The following TEC variants were observed in gnomAD, a reference collection of about 807,000 sequenced individuals.
The protein encoded by TEC is tyrosine-protein kinase Tec.
A neutral mutation model predicts 93.0 loss-of-function variants in TEC; 72 were observed. The ratio of observed to expected loss-of-function variants is 0.77; its 90% CI spans 0.64 to 0.94. The LOEUF (loss-of-function observed/expected upper bound fraction) is 0.94, where lower values mean the gene tolerates loss of function less well. Ranked by LOEUF, TEC falls within the 40% of genes least tolerant of loss-of-function variation. The pLI is 0.00. For missense variants in TEC, 630 were observed against 757.9 expected, an observed-to-expected ratio of 0.83 and a Z score of 1.98; for synonymous variants, 249 against 247.7, an observed-to-expected ratio of 1.01 and a Z score of -0.05.
intron 15 of TEC, among the ~76,000 whole-genome samples, chr4:48,139,976 G>A (rs1719592870): frequency 6.6e-6 from 1 of 152,252 alleles, no homozygotes; most frequent in Non-Finnish European, 1.5e-5. Flanking sequence ...AGGTTTTTGA[G>A]TGGTTGATAC....
chr4:48,169,136 T>C (rs1362281755), intron 5 of TEC, among the ~76,000 whole-genome samples: 1 of 152,084 alleles, frequency 6.6e-6, no homozygotes, highest in African/African-American at 2.4e-5. Context: ...CCTAAAAGGA[T>C]TCCCCATGGG....
chr4:48,221,901 ATTTCT>A (rs1723277956), intron 2 of TEC, among the ~76,000 whole-genome samples: 1 of 152,158 alleles, frequency 6.6e-6, no homozygotes. Flanking sequence ...CAAAATGTAT[ATTTCT>A]TATTATACTA....
At chr4:48,265,054 C>T (rs1351720873) in intron 1 of TEC, among the ~76,000 whole-genome samples, 4 of 151,868 alleles carry the variant, frequency 2.6e-5, no homozygotes, top group Admixed American at 1.3e-4. Context: ...AATGAAAAGA[C>T]AAAAGCCGCT....
intron 2 of TEC, among the ~76,000 whole-genome samples, chr4:48,220,414 G>C (rs1446464022): frequency 6.6e-6 from 1 of 151,964 alleles, no homozygotes; most frequent in Non-Finnish European, 1.5e-5. Context: ...CTCATGAATG[G>C]CCTGGTGCCC....
intron 2 of TEC, among the ~76,000 whole-genome samples, chr4:48,195,389 A>G (rs1722266057): frequency 6.6e-6 from 1 of 152,174 alleles, no homozygotes. Flanking sequence ...CCCATCATAA[A>G]CCAGTAAAAG....
chr4:48,231,115 G>C (rs1280351028), intron 1 of TEC, among the ~76,000 whole-genome samples: 2 of 152,086 alleles, frequency 1.3e-5, no homozygotes, highest in African/African-American at 4.8e-5. Context: ...AGTTGGTCTG[G>C]GGAGGAGCCC....
intron 9 of TEC, among the ~76,000 whole-genome samples, chr4:48,153,155 G>C (rs368237217): frequency 1.3e-5 from 2 of 151,198 alleles, no homozygotes; most frequent in African/African-American, 4.9e-5. Flanking sequence ...ATCTATTAAC[G>C]CTTTATTTAT....
intron 1 of TEC, among the ~76,000 whole-genome samples, chr4:48,257,154 T>G (rs541445864): frequency 3.3e-5 from 5 of 152,208 alleles, no homozygotes; most frequent in Non-Finnish European, 5.9e-5. Flanking sequence ...CTCAATAATT[T>G]TATATGATTA....
chr4:48,167,072 G>C (rs1196842807), intron 7 of TEC, among the ~76,000 whole-genome samples: 1 of 151,988 alleles, frequency 6.6e-6, no homozygotes, highest in Admixed American at 6.6e-5. Context: ...ACAGGATACA[G>C]AGTTTGCTTA....
chr4:48,228,674 G>A lies in TEC; in HGVS notation c.-45-15C>T, dbSNP rs1723559694. 1 of 1,551,474 alleles carries A rather than the reference G, an allele frequency of 6.4e-7. No homozygotes were observed. On this transcript the variant is annotated splice_polypyrimidine_tract_variant and intron_variant, in intron 1 of 17. Transcript: ENST00000381501. Reference sequence around the variant, plus strand: ...ATCCCAGTATTCTACAGTGAAAAAAGAAACAGTTAAAATGTGACAGTTTAA... The same window carrying A: ...ATCCCAGTATTCTACAGTGAAAAAAAAAACAGTTAAAATGTGACAGTTTAA...
At chr4:48,169,476 G>A (rs1721013589) in intron 5 of TEC, among the ~76,000 whole-genome samples, 1 of 152,040 alleles carries the variant, frequency 6.6e-6, no homozygotes, top group Non-Finnish European at 1.5e-5. Flanking sequence ...CAGGGTGCCA[G>A]GACTCATAGA....
intron 1 of TEC, among the ~76,000 whole-genome samples, chr4:48,252,056 C>T (rs545824957): frequency 1.3e-5 from 2 of 152,286 alleles, no homozygotes; most frequent in Admixed American, 1.3e-4. Flanking sequence ...TAACAGAACG[C>T]AGTTCACAGC....
At chr4:48,246,306 A>G (rs2109663119) in intron 1 of TEC, among the ~76,000 whole-genome samples, 1 of 152,334 alleles carries the variant, frequency 6.6e-6, no homozygotes, top group Non-Finnish European at 1.5e-5. Context: ...GACATCCCAC[A>G]TTCGTGGATG....
chr4:48,231,325 T>C (rs1723638000), intron 1 of TEC, among the ~76,000 whole-genome samples: 1 of 152,268 alleles, frequency 6.6e-6, no homozygotes, highest in African/African-American at 2.4e-5. Context: ...GCATCTAAGT[T>C]GGTCTTCCTT....
intron 1 of TEC, among the ~76,000 whole-genome samples, chr4:48,229,102 T>G (rs1723573149): frequency 6.6e-6 from 1 of 152,100 alleles, no homozygotes; most frequent in African/African-American, 2.4e-5. Context: ...ATGAACAAAA[T>G]GAATTAGCAT....
intron 2 of TEC, among the ~76,000 whole-genome samples, chr4:48,194,876 A>G (rs993827366): frequency 1.3e-5 from 2 of 152,208 alleles, no homozygotes; most frequent in African/African-American, 4.8e-5. Flanking sequence ...TACAGTTTCT[A>G]CAGGAATATT....
intron 2 of TEC, among the ~76,000 whole-genome samples, chr4:48,198,208 G>A (rs976661067): frequency 1.3e-5 from 2 of 152,218 alleles, no homozygotes; most frequent in South Asian, 4.1e-4. Flanking sequence ...ATCCTGGGGG[G>A]AATATCAAGT....
intron 1 of TEC, among the ~76,000 whole-genome samples, chr4:48,231,756 GA>G (rs1381541141): frequency 6.7e-6 from 1 of 148,768 alleles, no homozygotes; most frequent in Non-Finnish European, 1.5e-5. Context: ...GACTCCGTCT[GA>G]AAAAAAAACA....
At position 48,149,659 on chromosome 4, in the gene TEC, T is replaced by C; in HGVS notation, c.904A>G (p.Ile302Val). 4 of 1,611,468 alleles carry C rather than the reference T, an allele frequency of 2.5e-6. No individual in the cohort carries two copies. The highest frequency in any genetic ancestry group is 3.4e-6 in the Non-Finnish European group (4 of 1,179,242). Residue 302 changes from isoleucine (I) to valine (V), a missense_variant, in exon 11 of 18, where the codon ATA becomes GTA. This residue lies in a region of TEC where 335 missense variants were observed against 351.5 expected (regional missense o/e 0.95). Transcript: ENST00000381501. Reference sequence around the variant, plus strand: ...TTTGGAGATGTTGTTGTTTCCTTTATATGATAATGCCTAAAACCCGATGAA... The same window carrying C: ...TTTGGAGATGTTGTTGTTTCCTTTACATGATAATGCCTAAAACCCGATGAA... ...EGSSGFRHYH[I>V]KETTTSPKKY...
Sources: gnomAD v4.1 joint callset for allele counts (sites outside exome capture counted in the v4.1 genomes callset) on GRCh38, gnomAD v4.1.1 for gene constraint, gnomAD v4.1.1 regional missense constraint, MANE v1.5 for transcripts, NCBI Gene and HGNC (gene_info 2026-07-23, HGNC 2026-07-21) for gene names.